The following TIAM2 variants were observed in gnomAD, a reference collection of about 807,000 sequenced individuals.
The protein encoded by TIAM2 is TIAM Rac1 associated GEF 2.
A neutral mutation model predicts 152.9 loss-of-function variants in TIAM2; 80 were observed. The ratio of observed to expected loss-of-function variants is 0.52; its 90% confidence interval spans 0.44 to 0.63. TIAM2 has a LOEUF of 0.63. Ranked by LOEUF, TIAM2 falls within the 30% of genes least tolerant of loss-of-function variation. TIAM2 has a pLI of 0.00. For synonymous variants in TIAM2, 804 were observed against 838.0 expected, an observed-to-expected ratio of 0.96 and a Z score of 0.70; for missense variants, 1,965 against 2,120.1, an observed-to-expected ratio of 0.93 and a Z score of 1.44.
intron 14 of TIAM2, among the ~76,000 whole-genome samples, chr6:155,185,325 C>T (rs1191739061): frequency 2.0e-5 from 3 of 151,598 alleles, no homozygotes; most frequent in Non-Finnish European, 4.4e-5. Context: ...TGGGGTTTCA[C>T]CATGTTGGCC....
At chr6:155,126,355 C>G (rs1044059504) in intron 2 of TIAM2, among the ~76,000 whole-genome samples, 2 of 152,166 alleles carry the variant, frequency 1.3e-5, no homozygotes, top group African/African-American at 4.8e-5. Context: ...AGTTTCTGTT[C>G]TGCAAGATGG....
At chr6:155,167,078 A>T (rs1205423908) in intron 9 of TIAM2, among the ~76,000 whole-genome samples, 2 of 152,198 alleles carry the variant, frequency 1.3e-5, no homozygotes, top group African/African-American at 2.4e-5. Flanking sequence ...ACCTTAAAAC[A>T]ATAAAGTTAG....
chr6:155,011,255 T>C (rs1250441810), intron 1 of TIAM2, among the ~76,000 whole-genome samples: 1 of 152,140 alleles, frequency 6.6e-6, no homozygotes. Context: ...AGTTATGGAA[T>C]TGACACTGGT....
intron 14 of TIAM2, among the ~76,000 whole-genome samples, chr6:155,193,865 G>A (rs1317266008): frequency 6.6e-6 from 1 of 152,214 alleles, no homozygotes; most frequent in Non-Finnish European, 1.5e-5. Context: ...TATTTGTGCT[G>A]AGACAGCAGC....
At chr6:154,997,620 A>T (rs944240414) in intron 1 of TIAM2, among the ~76,000 whole-genome samples, 4 of 149,542 alleles carry the variant, frequency 2.7e-5, no homozygotes, top group African/African-American at 9.9e-5. Flanking sequence ...ACGAGTGAAG[A>T]AAGAATGGAT....
chr6:155,204,503 C>T (rs1241635013), intron 14 of TIAM2, among the ~76,000 whole-genome samples: 3 of 151,924 alleles, frequency 2.0e-5, no homozygotes, highest in Non-Finnish European at 4.4e-5. Flanking sequence ...AATTACTTTC[C>T]GTTTATTTTT....
At chr6:155,059,397 G>C (rs1221033417) in intron 1 of TIAM2, among the ~76,000 whole-genome samples, 15 of 151,876 alleles carry the variant, frequency 9.9e-5, no homozygotes, top group Non-Finnish European at 2.9e-5. Flanking sequence ...GATCTCATCT[G>C]ACTGGGACCT....
chr6:155,169,072 T>C (rs1184841226), intron 9 of TIAM2, among the ~76,000 whole-genome samples: 1 of 152,212 alleles, frequency 6.6e-6, no homozygotes, highest in Non-Finnish European at 1.5e-5. Flanking sequence ...CTTGGCTCAC[T>C]GCAAGCTTCG....
intron 4 of TIAM2, among the ~76,000 whole-genome samples, chr6:155,131,385 T>A (rs80346583): frequency 2.6e-5 from 4 of 152,036 alleles, no homozygotes; most frequent in Admixed American, 1.3e-4. Context: ...TGGAGAGAAT[T>A]CCTGAAAGAA....
intron 16 of TIAM2, among the ~76,000 whole-genome samples, chr6:155,242,209 G>C (rs1783066899): frequency 6.6e-6 from 1 of 152,212 alleles, no homozygotes; most frequent in South Asian, 2.1e-4. Flanking sequence ...CTCCCAGGCA[G>C]CACCAGCCTG....
chr6:155,175,381 A>G (rs1028511952), intron 9 of TIAM2, among the ~76,000 whole-genome samples: 1 of 152,348 alleles, frequency 6.6e-6, no homozygotes, highest in Admixed American at 6.5e-5. Context: ...TTAAAAATGC[A>G]TGGAATTCAA....
At chr6:155,123,228 A>T (rs1199722064) in intron 2 of TIAM2, among the ~76,000 whole-genome samples, 1 of 151,334 alleles carries the variant, frequency 6.6e-6, no homozygotes. Flanking sequence ...AACATTGCAC[A>T]TTTGGTCAGC....
intron 1 of TIAM2, among the ~76,000 whole-genome samples, chr6:155,033,208 G>A (rs1296298508): frequency 1.3e-5 from 2 of 152,138 alleles, no homozygotes; most frequent in East Asian, 3.9e-4. Context: ...CTGCAGCCCT[G>A]CCTGCGCGCT....
At chr6:155,112,209 T>C (rs1275661956) in intron 2 of TIAM2, among the ~76,000 whole-genome samples, 1 of 146,276 alleles carries the variant, frequency 6.8e-6, no homozygotes, top group African/African-American at 2.5e-5. Flanking sequence ...CACTGCAACC[T>C]CCGCCTCCCA....
At chr6:154,999,225 T>TAA (rs397730120) in intron 1 of TIAM2, among the ~76,000 whole-genome samples, 1 of 145,038 alleles carries the variant, frequency 6.9e-6, no homozygotes, top group Admixed American at 7.0e-5. Flanking sequence ...ATTAATTAAT[T>TAA]TTTTTGAGAC....
At chr6:155,153,977 A>G (rs1780040524) in intron 7 of TIAM2, among the ~76,000 whole-genome samples, 1 of 152,208 alleles carries the variant, frequency 6.6e-6, no homozygotes, top group Non-Finnish European at 1.5e-5. Context: ...ATTAAGCAGG[A>G]ACAAGTACTT....
chr6:155,136,425 C>A (rs1779557806), intron 4 of TIAM2, among the ~76,000 whole-genome samples: 1 of 151,726 alleles, frequency 6.6e-6, no homozygotes, highest in African/African-American at 2.4e-5. Flanking sequence ...CAGGTGCTCA[C>A]CGCCAGGCCT....
intron 1 of TIAM2, among the ~76,000 whole-genome samples, chr6:155,060,908 A>G (rs113216795): frequency 0.05 from 7,653 of 152,206 alleles, 657 homozygotes; most frequent in African/African-American, 0.18. Context: ...ACCAAACCAA[A>G]CCAAAACAAA....
At chr6:155,212,704 C>T (rs545325213) in intron 15 of TIAM2, among the ~76,000 whole-genome samples, 11 of 145,130 alleles carry the variant, frequency 7.6e-5, no homozygotes, top group Admixed American at 1.3e-4. Flanking sequence ...TCGGCCCACT[C>T]GACCTGGCAG....
Sources: gnomAD v4.1 joint callset for allele counts (sites outside exome capture counted in the v4.1 genomes callset) on GRCh38, gnomAD v4.1.1 for gene constraint, MANE v1.5 for transcripts, NCBI Gene and HGNC (gene_info 2026-07-23, HGNC 2026-07-21) for gene names.